The following SYT1 variants were observed in gnomAD, a reference collection of about 807,000 sequenced individuals.
The protein encoded by SYT1 is synaptotagmin-1.
Under a neutral mutation model 44.8 loss-of-function variants are expected in SYT1, and 8 were observed. That is an observed-to-expected ratio of 0.18 (90% CI 0.10 to 0.32). SYT1 has a LOEUF of 0.32. Among genes scored for constraint, SYT1 ranks in the 10% least tolerant of loss-of-function variants. The pLI is 1.00. For missense variants in SYT1, 286 were observed against 509.3 expected (o/e 0.56, Z 4.22); for synonymous variants, 154 against 188.8 (o/e 0.82, Z 1.51).
intron 3 of SYT1, among the ~76,000 whole-genome samples, chr12:79,065,058 A>G (rs1398496737): frequency 6.6e-6 from 1 of 152,252 alleles, no homozygotes; most frequent in African/African-American, 2.4e-5. Flanking sequence ...CCACTCTACC[A>G]TTCTTCACAC....
At chr12:79,241,736 G>A (rs776766288) in intron 4 of SYT1, among the ~76,000 whole-genome samples, 8 of 152,194 alleles carry the variant, frequency 5.3e-5, no homozygotes, top group South Asian at 2.1e-4. Context: ...GCTGTGGGTC[G>A]AATCATGTGC....
chr12:79,009,390 T>C (rs1472121220), intron 2 of SYT1, among the ~76,000 whole-genome samples: 1 of 152,176 alleles, frequency 6.6e-6, no homozygotes, highest in Non-Finnish European at 1.5e-5. Context: ...TAGGCAAACC[T>C]ACTTTCAGTC....
intron 2 of SYT1, among the ~76,000 whole-genome samples, chr12:79,043,371 C>G (rs1873740229): frequency 6.6e-6 from 1 of 150,558 alleles, no homozygotes; most frequent in South Asian, 2.1e-4. Flanking sequence ...ATCCCTTTAC[C>G]ATTATGTAAT....
intron 4 of SYT1, among the ~76,000 whole-genome samples, chr12:79,249,209 A>G (rs371495806): frequency 4.1e-5 from 6 of 144,662 alleles, no homozygotes; most frequent in African/African-American, 1.0e-4. Flanking sequence ...GGTTCACGCC[A>G]TTCTCCTGCC....
At chr12:79,364,493 G>A (rs763484277) in intron 9 of SYT1, among the ~76,000 whole-genome samples, 9 of 152,124 alleles carry the variant, frequency 5.9e-5, no homozygotes, top group Non-Finnish European at 1.0e-4. Context: ...AGACCATACC[G>A]GCTGACAGCC....
At chr12:79,274,510 C>T (rs2138783437) in intron 4 of SYT1, among the ~76,000 whole-genome samples, 1 of 152,328 alleles carries the variant, frequency 6.6e-6, no homozygotes, top group East Asian at 1.9e-4. Context: ...ACCCCAGTGG[C>T]CAGGAAACTT....
At chr12:79,399,140 A>ATT (rs1278407239) in intron 9 of SYT1, among the ~76,000 whole-genome samples, 2 of 152,074 alleles carry the variant, frequency 1.3e-5, no homozygotes, top group African/African-American at 4.8e-5. Context: ...AGTGACATTT[A>ATT]TTTTCTTAGG....
intron 1 of SYT1, among the ~76,000 whole-genome samples, chr12:78,914,378 A>G (rs1019954323): frequency 6.6e-6 from 1 of 151,944 alleles, no homozygotes; most frequent in African/African-American, 2.4e-5. Context: ...TTGTCCTGGA[A>G]TCTATTCTGA....
chr12:78,876,929 T>TTATATATTATATGTATTATATATAATA (rs1874203637), intron 1 of SYT1, among the ~76,000 whole-genome samples: 1 of 115,884 alleles, frequency 8.6e-6, no homozygotes, highest in African/African-American at 3.2e-5. Context: ...ATAATATATA[T>TTATATATTATATGTATTATATATAATA]TATATATTAT....
intron 2 of SYT1, among the ~76,000 whole-genome samples, chr12:79,016,860 T>A (rs1871840089): frequency 6.6e-6 from 1 of 152,148 alleles, no homozygotes; most frequent in Non-Finnish European, 1.5e-5. Flanking sequence ...TTATTTGAAA[T>A]GTAGTGTAGT....
chr12:79,374,447 T>C (rs1344477679), intron 9 of SYT1, among the ~76,000 whole-genome samples: 4 of 152,224 alleles, frequency 2.6e-5, no homozygotes, highest in Non-Finnish European at 5.9e-5. Flanking sequence ...GGACAGATCA[T>C]TGTTATTTAT....
chr12:79,137,975 G>C (rs1046510967), intron 3 of SYT1, among the ~76,000 whole-genome samples: 4 of 152,122 alleles, frequency 2.6e-5, no homozygotes, highest in African/African-American at 4.8e-5. Flanking sequence ...TATGATAATA[G>C]ATATTCATGT....
chr12:79,299,518 A>G lies in SYT1; in HGVS notation c.777A>G (p.Glu259=), dbSNP rs764856217. Residue 259 remains glutamate (E), a synonymous_variant, in exon 8 of 11, where the codon GAA becomes GAG. Transcript: ENST00000261205. ...NTVDFGHVTE[E]WRDLQSAEKE... The stretch of plus-strand genomic sequence containing the variant: ...TGGATTTTGGCCATGTAACTGAGGA[A>G]TGGCGTGACCTGCAAAGTGCTGAGA... The G allele has an allele frequency of 6.2e-7, 1 of 1,613,478 alleles. No individual in the cohort carries two copies. The highest frequency in any genetic ancestry group is 8.5e-7 in the Non-Finnish European group (1 of 1,179,548).
At chr12:78,968,454 G>A (rs1868300064) in intron 1 of SYT1, among the ~76,000 whole-genome samples, 1 of 148,544 alleles carries the variant, frequency 6.7e-6, no homozygotes, top group South Asian at 2.1e-4. Context: ...AATGCCCAAG[G>A]GAACAAGATG....
At chr12:79,067,696 T>A (rs936797989) in intron 3 of SYT1, among the ~76,000 whole-genome samples, 2 of 152,150 alleles carry the variant, frequency 1.3e-5, no homozygotes, top group Non-Finnish European at 2.9e-5. Flanking sequence ...CAATACCAAC[T>A]GTACTTTTTT....
chr12:78,954,471 T>G (rs1879115378), intron 1 of SYT1, among the ~76,000 whole-genome samples: 1 of 152,054 alleles, frequency 6.6e-6, no homozygotes, highest in Non-Finnish European at 1.5e-5. Context: ...GTCTTCAGAA[T>G]GATCCTATGT....
At chr12:79,372,725 G>A (rs977839270) in intron 9 of SYT1, among the ~76,000 whole-genome samples, 1 of 152,098 alleles carries the variant, frequency 6.6e-6, no homozygotes, top group African/African-American at 2.4e-5. Flanking sequence ...TCATTTCCAG[G>A]GCTAAGTCAC....
At chr12:78,870,678 C>T (rs1243503955) in intron 1 of SYT1, among the ~76,000 whole-genome samples, 3 of 152,000 alleles carry the variant, frequency 2.0e-5, no homozygotes, top group Non-Finnish European at 4.4e-5. Flanking sequence ...AGACAAACCA[C>T]CTGAAAACTC....
At chr12:79,075,459 C>G (rs1833836599) in intron 3 of SYT1, among the ~76,000 whole-genome samples, 1 of 152,134 alleles carries the variant, frequency 6.6e-6, no homozygotes, top group Non-Finnish European at 1.5e-5. Flanking sequence ...AGAACACTTT[C>G]CTGATATAAG....
Sources: gnomAD v4.1 joint callset for allele counts (sites outside exome capture counted in the v4.1 genomes callset) on GRCh38, gnomAD v4.1.1 for gene constraint, MANE v1.5 for transcripts, NCBI Gene and HGNC (gene_info 2026-07-23, HGNC 2026-07-21) for gene names.